Variants in EPHA5 observed in about 807,000 individuals in gnomAD.
The protein encoded by EPHA5 is ephrin type-A receptor 5.
Under a neutral mutation model 105.0 loss-of-function variants are expected in EPHA5, and 60 were observed. The observed-to-expected ratio is 0.57, with a 90% CI of 0.46 to 0.71. The LOEUF (loss-of-function observed/expected upper bound fraction) is 0.71, where lower values mean the gene tolerates loss of function less well. Ranked by LOEUF, EPHA5 falls within the 30% of genes least tolerant of loss-of-function variation. The pLI is 0.00. For missense variants in EPHA5, 1,218 were observed against 1,274.7 expected (o/e 0.96, Z 0.68); for synonymous variants, 513 against 449.1 (o/e 1.14, Z -1.80).
intron 1 of EPHA5, among the ~76,000 whole-genome samples, chr4:65,650,548 A>G (rs1440153400): frequency 2.4e-5 from 3 of 123,542 alleles, no homozygotes; most frequent in African/African-American, 8.3e-5. Flanking sequence ...CAACAGAGTG[A>G]GACTCAGTCT....
At chr4:65,484,483 T>C (rs1254080102) in intron 5 of EPHA5, among the ~76,000 whole-genome samples, 2 of 152,150 alleles carry the variant, frequency 1.3e-5, no homozygotes, top group African/African-American at 2.4e-5. Context: ...GCTTGGAACA[T>C]GCCCTCCAAG....
chr4:65,329,691 C>A (rs1443077939), intron 16 of EPHA5, among the ~76,000 whole-genome samples: 2 of 150,998 alleles, frequency 1.3e-5, no homozygotes, highest in African/African-American at 4.9e-5. Context: ...AAAATTAATA[C>A]TTAGGTATGG....
At chr4:65,417,407 A>C (rs1723492911) in intron 6 of EPHA5, among the ~76,000 whole-genome samples, 1 of 152,218 alleles carries the variant, frequency 6.6e-6, no homozygotes, top group Admixed American at 6.5e-5. Flanking sequence ...AAGTCTTTAA[A>C]AAATCTTTAT....
chr4:65,471,803 T>A (rs1729309460), intron 5 of EPHA5, among the ~76,000 whole-genome samples: 1 of 152,100 alleles, frequency 6.6e-6, no homozygotes, highest in African/African-American at 2.4e-5. Flanking sequence ...TCCTTTGACA[T>A]GTAGGGATTA....
At chr4:65,558,459 T>C (rs915491427) in intron 3 of EPHA5, among the ~76,000 whole-genome samples, 3 of 152,160 alleles carry the variant, frequency 2.0e-5, no homozygotes, top group African/African-American at 7.2e-5. Context: ...ATTTGAGATA[T>C]GTGTATCTGT....
intron 14 of EPHA5, among the ~76,000 whole-genome samples, chr4:65,341,663 G>A (rs957035128): frequency 3.8e-4 from 57 of 151,806 alleles, no homozygotes; most frequent in African/African-American, 1.3e-3. Flanking sequence ...TATTTTGGAA[G>A]ATAGTGCATT....
chr4:65,651,995 G>A lies in EPHA5; in HGVS notation c.182-8568C>T, dbSNP rs976717244. ...TTGCATGAAAAGAGCAACACCATATGGTTTTCGGTGGCTACCTTGTCAGGT... is the reference window on the plus strand; with the variant it reads ...TTGCATGAAAAGAGCAACACCATATAGTTTTCGGTGGCTACCTTGTCAGGT... On this transcript the variant is annotated intron_variant, in intron 1 of 16. Transcript: ENST00000613740. Among the ~76,000 whole-genome samples, 6 of 152,074 alleles carry A rather than the reference G, an allele frequency of 3.9e-5. No homozygotes were observed. The South Asian group carries it at 1.2e-3, about 32-fold the overall frequency.
chr4:65,524,079 A>C (rs1184699960), intron 3 of EPHA5, among the ~76,000 whole-genome samples: 4 of 150,678 alleles, frequency 2.7e-5, no homozygotes, highest in Admixed American at 1.3e-4. Flanking sequence ...TTGCTTCACC[A>C]TATACTTCAT....
chr4:65,531,220 G>A (rs978428540), intron 3 of EPHA5, among the ~76,000 whole-genome samples: 2 of 149,866 alleles, frequency 1.3e-5, no homozygotes, highest in African/African-American at 4.9e-5. Context: ...TGTATTTTTA[G>A]TAGAGACGGG....
chr4:65,406,715 T>C (rs1464325846), intron 7 of EPHA5, among the ~76,000 whole-genome samples: 1 of 152,162 alleles, frequency 6.6e-6, no homozygotes, highest in African/African-American at 2.4e-5. Context: ...CAAAGAATCC[T>C]TTCATTTTTT....
chr4:65,354,359 T>A (rs918486121), intron 11 of EPHA5, among the ~76,000 whole-genome samples: 11 of 151,888 alleles, frequency 7.2e-5, no homozygotes, highest in Admixed American at 3.3e-4. Flanking sequence ...AATTGCAAGA[T>A]AAAAAATTAT....
At chr4:65,364,849 G>A (rs1237668272) in intron 11 of EPHA5, among the ~76,000 whole-genome samples, 168 bp downstream of exon 11, 2 of 151,508 alleles carry the variant, frequency 1.3e-5, no homozygotes, top group Non-Finnish European at 3.0e-5. Flanking sequence ...GAAAATTCAA[G>A]TTCATTGAAG....
chr4:65,501,982 A>G (rs1732535363), intron 3 of EPHA5, among the ~76,000 whole-genome samples: 1 of 151,792 alleles, frequency 6.6e-6, no homozygotes, highest in South Asian at 2.1e-4. Context: ...TACAAAGCCA[A>G]CAAAAATAAG....
intron 7 of EPHA5, among the ~76,000 whole-genome samples, chr4:65,408,041 G>A (rs1246956907): frequency 6.6e-6 from 1 of 151,952 alleles, no homozygotes; most frequent in African/African-American, 2.4e-5. Flanking sequence ...ATTACTAACT[G>A]TTTCACATGC....
intron 3 of EPHA5, among the ~76,000 whole-genome samples, chr4:65,584,980 T>TAGTA (rs1271628369): frequency 1.3e-5 from 2 of 151,926 alleles, no homozygotes; most frequent in Admixed American, 6.6e-5. Context: ...CAGAATGACA[T>TAGTA]AGTAGTTAAG....
intron 3 of EPHA5, among the ~76,000 whole-genome samples, chr4:65,518,235 A>T (rs559301078): frequency 2.6e-5 from 4 of 151,890 alleles, no homozygotes; most frequent in South Asian, 2.1e-4. Context: ...TTAAATTAAA[A>T]TTTTTTCTTA....
Position 65,439,640 on chromosome 4 carries a change from A to G in EPHA5, c.1403-19075T>C, listed in dbSNP as rs184994353. Among the ~76,000 whole-genome samples, 71 of 152,290 alleles carry G rather than the reference A, an allele frequency of 4.7e-4. 1 individual carries two copies. The East Asian group carries it at 0.012, about 27-fold the overall frequency. On this transcript the variant is annotated intron_variant, in intron 5 of 16. Coordinates refer to ENST00000613740, the MANE Select transcript of EPHA5 (RefSeq NM_001281766.3). ...CATGAATCAACAATTAAGTAAGTATAAAGACAGACGACAGGGTATTTTAAT... is the reference window on the plus strand; with the variant it reads ...CATGAATCAACAATTAAGTAAGTATGAAGACAGACGACAGGGTATTTTAAT...
At position 65,363,253 on chromosome 4, in the gene EPHA5, C is replaced by A. The variant is rs367626035; in HGVS notation, c.2173+1764G>T. Among the ~76,000 whole-genome samples, 41 of 151,470 alleles carry A rather than the reference C, an allele frequency of 2.7e-4. 1 individual carries two copies. The East Asian group carries it at 6.6e-3, about 24-fold the overall frequency. ...AATAAGTACTTACTTTGTGCCTTGCCCATTCTAAACCTCATCTATATTAAT... is the reference window on the plus strand; with the variant it reads ...AATAAGTACTTACTTTGTGCCTTGCACATTCTAAACCTCATCTATATTAAT... On this transcript the variant is annotated intron_variant, in intron 11 of 16. Transcript: ENST00000613740.
chr4:65,348,663 T>C (rs1375787328), intron 13 of EPHA5, among the ~76,000 whole-genome samples: 2 of 6,102 alleles, frequency 3.3e-4, no homozygotes, highest in Non-Finnish European at 1.7e-3. Context: ...ATTGGAGATA[T>C]ATATATATAT....
Sources: allele counts gnomAD v4.1 joint callset (sites outside exome capture counted in the v4.1 genomes callset), GRCh38; gene constraint gnomAD v4.1.1; transcripts MANE v1.5; gene names NCBI Gene and HGNC (gene_info 2026-07-23, HGNC 2026-07-21).